Variants in NR2F1-AS1 observed in about 807,000 individuals in gnomAD.
NR2F1-AS1 encodes the protein NR2F1 antisense RNA 1.
At chr5:93,474,903 A>T (rs1243888266) in intron 4 of NR2F1-AS1, among the ~76,000 whole-genome samples, 1 of 152,180 alleles carries the variant, frequency 6.6e-6, no homozygotes, top group Non-Finnish European at 1.5e-5. Flanking sequence ...AGGCAGGCAG[A>T]TCACAAGGTC....
chr5:93,540,776 C>T (rs78628540), intron 4 of NR2F1-AS1, among the ~76,000 whole-genome samples: 2,036 of 152,174 alleles, frequency 0.013, 50 homozygotes, highest in African/African-American at 0.047. Flanking sequence ...CACAAGTGTA[C>T]ACTTTGCCAC....
intron 4 of NR2F1-AS1, among the ~76,000 whole-genome samples, chr5:93,466,382 G>C (rs1366546584): frequency 1.3e-5 from 2 of 151,224 alleles, no homozygotes; most frequent in African/African-American, 4.9e-5. Context: ...CCAGGCACTG[G>C]AGTGCAGTGG....
chr5:93,568,208 TA>T (rs1489348784), intron 1 of NR2F1-AS1, among the ~76,000 whole-genome samples: 3 of 152,220 alleles, frequency 2.0e-5, no homozygotes, highest in Non-Finnish European at 4.4e-5. Flanking sequence ...TTTAAAATGA[TA>T]AATAATAATT....
chr5:93,564,415 G>C (rs1752570584), intron 1 of NR2F1-AS1, among the ~76,000 whole-genome samples: 1 of 152,092 alleles, frequency 6.6e-6, no homozygotes, highest in African/African-American at 2.4e-5. Context: ...TATGACTCAA[G>C]CTTAGTCATC....
intron 4 of NR2F1-AS1, among the ~76,000 whole-genome samples, chr5:93,477,069 T>A (rs1750500247): frequency 6.6e-6 from 1 of 152,078 alleles, no homozygotes; most frequent in Non-Finnish European, 1.5e-5. Flanking sequence ...TTCGGGGAAA[T>A]ATCAGGTGGG....
Position 93,447,357 on chromosome 5 carries a change from G to GA in NR2F1-AS1, n.639-51816dup, listed in dbSNP as rs536979816. Among the ~76,000 whole-genome samples, 346 of 152,062 alleles carry GA rather than the reference G, an allele frequency of 2.3e-3. 3 individuals are homozygous for GA. The highest frequency in any genetic ancestry group is 8.0e-3 in the African/African-American group (330 of 41,468). ...ACAAAGAACTTAAACAAATTTACAA[G>GA]AAAAAAATCAAACAACCCCATCAAA... On this transcript the variant is annotated intron_variant and non_coding_transcript_variant, in intron 4 of 5. Coordinates refer to ENST00000660523, the Ensembl canonical transcript of NR2F1-AS1.
intron 4 of NR2F1-AS1, among the ~76,000 whole-genome samples, chr5:93,438,350 T>C (rs937132055): frequency 6.6e-6 from 1 of 152,164 alleles, no homozygotes; most frequent in Non-Finnish European, 1.5e-5. Flanking sequence ...TTTCTCAATC[T>C]TCGTACAAGC....
At chr5:93,485,412 T>C (rs990934783) in intron 4 of NR2F1-AS1, among the ~76,000 whole-genome samples, 2 of 152,040 alleles carry the variant, frequency 1.3e-5, no homozygotes, top group Non-Finnish European at 2.9e-5. Context: ...TTGAAACCAA[T>C]GAGAACAAAG....
chr5:93,567,743 G>A (rs751543949), intron 1 of NR2F1-AS1, among the ~76,000 whole-genome samples: 1 of 152,144 alleles, frequency 6.6e-6, no homozygotes, highest in Non-Finnish European at 1.5e-5. Context: ...TATTTAAAGA[G>A]GATAGATTTC....
chr5:93,450,914 C>CAAAAAAAA (rs60895927), intron 4 of NR2F1-AS1, among the ~76,000 whole-genome samples: 1 of 54,042 alleles, frequency 1.9e-5, no homozygotes. Context: ...GAATCTGCTT[C>CAAAAAAAA]AAAAAAAAAA....
chr5:93,445,785 A>G (rs1460432621), intron 4 of NR2F1-AS1, among the ~76,000 whole-genome samples: 8 of 152,144 alleles, frequency 5.3e-5, no homozygotes, highest in African/African-American at 1.9e-4. Context: ...GATGAACATC[A>G]ATGCAAAAAT....
intron 1 of NR2F1-AS1, among the ~76,000 whole-genome samples, chr5:93,565,647 G>C (rs1752601121): frequency 6.6e-6 from 1 of 151,718 alleles, no homozygotes; most frequent in African/African-American, 2.4e-5. Flanking sequence ...ATACTTTCTA[G>C]TCTTTTTTTA....
intron 4 of NR2F1-AS1, among the ~76,000 whole-genome samples, chr5:93,478,424 G>A (rs2149873843): frequency 6.6e-6 from 1 of 152,174 alleles, no homozygotes; most frequent in East Asian, 1.9e-4. Flanking sequence ...TGTTTGTTTT[G>A]AGACAGTCTT....
At chr5:93,441,186 G>C (rs1279840259) in intron 4 of NR2F1-AS1, among the ~76,000 whole-genome samples, 1 of 152,176 alleles carries the variant, frequency 6.6e-6, no homozygotes, top group Non-Finnish European at 1.5e-5. Context: ...GAAGAACGAA[G>C]ATGGTGAAGA....
chr5:93,423,069 G>C (rs890619174), intron 4 of NR2F1-AS1: 4 of 152,202 alleles, frequency 2.6e-5, no homozygotes, highest in Non-Finnish European at 5.9e-5. Flanking sequence ...TACTTGGACA[G>C]AAGGGGCACA....
intron 4 of NR2F1-AS1, among the ~76,000 whole-genome samples, chr5:93,496,307 T>C (rs1750959372): frequency 6.6e-6 from 1 of 152,162 alleles, no homozygotes. Context: ...GAAACTGCTG[T>C]GTTGTCAATA....
chr5:93,558,954 T>C (rs1220047399), intron 2 of NR2F1-AS1, among the ~76,000 whole-genome samples: 1 of 152,216 alleles, frequency 6.6e-6, no homozygotes. Context: ...CTAGGATTTT[T>C]GGAATGGCAA....
Position 93,557,932 on chromosome 5 carries a change from T to G in NR2F1-AS1, n.414-2937A>C, listed in dbSNP as rs181317087. ...ACTTCAACAGTGTTCACAGCATCTT[T>G]ACCAGGGTACATTCCATCTCAAGAA... On this transcript the variant is annotated intron_variant and non_coding_transcript_variant, in intron 2 of 5. Coordinates refer to ENST00000660523, the Ensembl canonical transcript of NR2F1-AS1. 9.3e-4 allele frequency among the ~76,000 whole-genome samples: 142 copies of G among 152,356 alleles called. 1 individual carries two copies. The highest frequency in any genetic ancestry group is 4.4e-3 in the Admixed American group (68 of 15,304).
chr5:93,424,745 GT>G (rs916091593), intron 4 of NR2F1-AS1, among the ~76,000 whole-genome samples: 98 of 151,932 alleles, frequency 6.5e-4, no homozygotes, highest in Admixed American at 9.2e-4. Context: ...ATTTTAATAG[GT>G]TTCAAAAAAC....
Sources: gnomAD v4.1 joint callset for allele counts (sites outside exome capture counted in the v4.1 genomes callset) on GRCh38, gnomAD v4.1.1 for gene constraint, MANE v1.5 for transcripts, NCBI Gene and HGNC (gene_info 2026-07-23, HGNC 2026-07-21) for gene names.